Variants in LRRC61 observed in about 807,000 individuals in gnomAD.
LRRC61 encodes leucine-rich repeat-containing protein 61.
LRRC61 carries 9 observed loss-of-function variants against 15.1 expected under a neutral mutation model. The ratio of observed to expected loss-of-function variants is 0.60; its 90% CI spans 0.36 to 1.04. The LOEUF is 1.04. Ranked by LOEUF, LRRC61 falls within the 50% of genes least tolerant of loss-of-function variation. The probability of loss-of-function intolerance (pLI) is 0.01; values close to 1 mark genes in which losing one functional copy is unlikely to be tolerated. For missense variants in LRRC61, 344 were observed against 335.6 expected, an observed-to-expected ratio of 1.03 and a Z score of -0.20; for synonymous variants, 173 against 158.6, an observed-to-expected ratio of 1.09 and a Z score of -0.68.
At chr7:150,315,841 TTC>T in the LRRC61 span, among the ~76,000 whole-genome samples, 887 of 152,340 alleles carry the variant, frequency 5.8e-3, 9 homozygotes, top group African/African-American at 0.02. Flanking sequence ...TTTTTTTTTT[TTC>T]ACTTAACGAT....
upstream of LRRC61, among the ~76,000 whole-genome samples, chr7:150,322,229 C>A (rs887687896): frequency 3.2e-4 from 48 of 152,116 alleles, no homozygotes; most frequent in African/African-American, 1.1e-3. Context: ...GGTGTTTAAG[C>A]CAGAATTACT....
In LRRC61 at chr7:150,323,444, C is replaced by G; in HGVS notation, c.-431C>G. 2.9e-6 allele frequency: 1 copy of G among 348,776 alleles called. No individual in the cohort carries two copies. The highest frequency in any genetic ancestry group is 2.1e-5 in the South Asian group (1 of 48,664). The allele number at this position is 348,776 out of a possible 1,614,324, so 21.6% of individuals were successfully genotyped here. On this transcript the variant is annotated 5_prime_UTR_variant, in exon 1 of 3. Coordinates refer to ENST00000359623, the MANE Select transcript of LRRC61 (RefSeq NM_001142928.2). ...CCAGGGGTCAGGGGCCGCCAGGCGG[C>G]GGGCGGCGGGGCTGCGGCTCTTACC...
At chr7:150,313,291 A>G in the LRRC61 span, among the ~76,000 whole-genome samples, 1 of 152,214 alleles carries the variant, frequency 6.6e-6, no homozygotes, top group Admixed American at 6.5e-5. Context: ...GTGACAGTTC[A>G]GAAAGGTGGG....
At chr7:150,334,451 C>T (rs117220390) in intron 2 of LRRC61, among the ~76,000 whole-genome samples, 1 of 133,156 alleles carries the variant, frequency 7.5e-6, no homozygotes, top group Non-Finnish European at 1.6e-5. Context: ...CACATTCACT[C>T]CTGAAATAGC....
chr7:150,330,695 C>T lies in LRRC61; in HGVS notation c.-145+4685C>T. 6.7e-7 allele frequency: 1 copy of T among 1,494,540 alleles called. No individual in the cohort carries two copies. The highest frequency in any genetic ancestry group is 9.3e-7 in the Non-Finnish European group (1 of 1,070,892). 92.6% of individuals were successfully genotyped at this position (1,494,540 alleles called of 1,614,324 possible). On this transcript the variant is annotated intron_variant, in intron 2 of 2. Transcript: ENST00000359623. The surrounding 1 kb of genome is among the most constrained non-coding windows in gnomAD (Gnocchi z 4.6). ...TGCCATGGGGGCCGACCGACATTGA[C>T]CACTGGAAGCAAGTCCTCGTGTACA...
At position 150,325,869 on chromosome 7, in the gene LRRC61, A is replaced by G. The variant is rs1035137217; in HGVS notation, c.-286A>G. The G allele has an allele frequency of 6.5e-6, 1 of 152,692 alleles. No individual in the cohort carries two copies. The highest frequency in any genetic ancestry group is 6.5e-5 in the Admixed American group (1 of 15,294). 9.5% of individuals were successfully genotyped at this position (152,692 alleles called of 1,614,324 possible). Reference sequence around the variant, plus strand: ...CATTTGGATTCAAGGTTGGCTCTCAACAGTGCCAGCTGCACTGTCATCCTA... The same window carrying G: ...CATTTGGATTCAAGGTTGGCTCTCAGCAGTGCCAGCTGCACTGTCATCCTA... On this transcript the variant is annotated 5_prime_UTR_variant, in exon 2 of 3. Coordinates refer to ENST00000359623, the MANE Select transcript of LRRC61 (RefSeq NM_001142928.2).
the LRRC61 span, among the ~76,000 whole-genome samples, chr7:150,315,386 A>T: frequency 6.6e-6 from 1 of 152,186 alleles, no homozygotes; most frequent in African/African-American, 2.4e-5. Flanking sequence ...GCAGCCGAAG[A>T]TGCTAGCAAC....
chr7:150,338,119 G>GT lies in LRRC61; in HGVS notation c.*479dup. 1.6e-6 allele frequency: 1 copy of GT among 627,400 alleles called. No individual in the cohort carries two copies. The allele number at this position is 627,400 out of a possible 1,614,324, so 38.9% of individuals were successfully genotyped here. On this transcript the variant is annotated 3_prime_UTR_variant, in exon 3 of 3. Coordinates refer to ENST00000359623, the MANE Select transcript of LRRC61 (RefSeq NM_001142928.2). ...CGCAGCACCTTCTCTGCCCGTTCTTGTCCACACATCTATTAAATGCTTCTG... is the reference window on the plus strand; with the variant it reads ...CGCAGCACCTTCTCTGCCCGTTCTTGTTCCACACATCTATTAAATGCTTCTG...
chr7:150,325,171 G>A (rs940427697), intron 1 of LRRC61, among the ~76,000 whole-genome samples: 1 of 152,214 alleles, frequency 6.6e-6, no homozygotes, highest in Non-Finnish European at 1.5e-5. Context: ...TCTTCCACTT[G>A]AGGCTTAGGC....
chr7:150,331,174 G>T, intron 2 of LRRC61: 1 of 1,506,502 alleles, frequency 6.6e-7, no homozygotes, highest in Non-Finnish European at 8.9e-7. Context: ...TTCTCTCAAG[G>T]TGGAAGCCAT....
At chr7:150,329,144 A>G (rs1014366862) in intron 2 of LRRC61, among the ~76,000 whole-genome samples, 19 of 152,228 alleles carry the variant, frequency 1.2e-4, no homozygotes, top group African/African-American at 4.1e-4. Context: ...AGGTAGTTCA[A>G]TAGGCTGGGT....
Position 150,337,124 on chromosome 7 carries a change from C to CA in LRRC61, c.263_264insA (p.Leu90ProfsTer8). The CA allele has an allele frequency of 6.2e-7, 1 of 1,611,956 alleles. No individual in the cohort carries two copies. Among genetic ancestry groups the CA allele is most frequent in the African/African-American group, 1.3e-5 (1 of 75,062 alleles). On this transcript the variant is annotated frameshift_variant, in exon 3 of 3. Coordinates refer to ENST00000359623, the MANE Select transcript of LRRC61 (RefSeq NM_001142928.2). LOFTEE classifies it high-confidence loss of function. ...CTCAATGTCTCCAACAATCGGCTGACGGGCCTGGAGCCACTGGCCACCTGT... is the reference window on the plus strand; with the variant it reads ...CTCAATGTCTCCAACAATCGGCTGACAGGGCCTGGAGCCACTGGCCACCTGT...
At chr7:150,314,253 T>A in the LRRC61 span, among the ~76,000 whole-genome samples, 1 of 152,248 alleles carries the variant, frequency 6.6e-6, no homozygotes, top group Non-Finnish European at 1.5e-5. Flanking sequence ...AGAACAGTTG[T>A]CAGCCTTGTT....
At chr7:150,321,236 T>G (rs777564797), upstream of LRRC61, among the ~76,000 whole-genome samples, 2 of 152,258 alleles carry the variant, frequency 1.3e-5, no homozygotes, top group Non-Finnish European at 2.9e-5. Context: ...TTGTATTTGA[T>G]GTTAAGCCTG....
Position 150,330,665 on chromosome 7 carries a change from C to A in LRRC61, c.-145+4655C>A. The A allele has an allele frequency of 8.4e-7, 1 of 1,183,944 alleles. No individual in the cohort carries two copies. Among genetic ancestry groups the A allele is most frequent in the Non-Finnish European group, 1.3e-6 (1 of 787,064 alleles). The allele number at this position is 1,183,944 out of a possible 1,614,324, so 73.3% of individuals were successfully genotyped here. A position where few individuals can be genotyped will look rare whatever the true frequency, so the allele number is the denominator to read the frequency against. Reference sequence around the variant, plus strand: ...CTTGCTTCAAGGGGAAGATTGAGGCCATCCTGCCATGGGGGCCGACCGACA... The same window carrying A: ...CTTGCTTCAAGGGGAAGATTGAGGCAATCCTGCCATGGGGGCCGACCGACA... On this transcript the variant is annotated intron_variant, in intron 2 of 2. Transcript: ENST00000359623. The surrounding 1 kb of genome is among the most constrained non-coding windows in gnomAD (Gnocchi z 4.6).
At chr7:150,312,537 T>C in the LRRC61 span, among the ~76,000 whole-genome samples, 1 of 152,236 alleles carries the variant, frequency 6.6e-6, no homozygotes, top group Non-Finnish European at 1.5e-5. Context: ...AAAGCTAATA[T>C]GCCTGATTAC....
chr7:150,329,337 C>A (rs1228225951), intron 2 of LRRC61, among the ~76,000 whole-genome samples: 1 of 152,206 alleles, frequency 6.6e-6, no homozygotes, highest in Non-Finnish European at 1.5e-5. Context: ...AGCTAAGATG[C>A]ACGGACGTAT....
intron 2 of LRRC61, among the ~76,000 whole-genome samples, chr7:150,327,945 CCTT>C (rs1389964453): frequency 6.6e-6 from 1 of 152,132 alleles, no homozygotes; most frequent in Non-Finnish European, 1.5e-5. Flanking sequence ...GTTGCTTCTC[CCTT>C]CTTTGAGATT....
At chr7:150,317,659 G>A in the LRRC61 span, among the ~76,000 whole-genome samples, 1 of 152,048 alleles carries the variant, frequency 6.6e-6, no homozygotes, top group African/African-American at 2.4e-5. Context: ...AATTCAACAG[G>A]AATACATTTC....
Sources: gnomAD v4.1 joint callset for allele counts (sites outside exome capture counted in the v4.1 genomes callset) on GRCh38, gnomAD v4.1.1 for gene constraint, Gnocchi (gnomAD v3.1) non-coding constraint, MANE v1.5 for transcripts, NCBI Gene and HGNC (gene_info 2026-07-23, HGNC 2026-07-21) for gene names.